CDC20B: variants seen among roughly 807,000 people sequenced by gnomAD.
CDC20B encodes cell division cycle 20B.
In CDC20B, 58 loss-of-function variants were observed where a neutral mutation model predicts 64.1. The observed-to-expected ratio is 0.90, with a 90% CI of 0.73 to 1.13. The LOEUF (loss-of-function observed/expected upper bound fraction) is 1.13, where lower values mean the gene tolerates loss of function less well. Ranked by LOEUF, CDC20B falls within the 50% of genes most tolerant of loss-of-function variation. The pLI, the probability that CDC20B is intolerant of heterozygous loss-of-function variation, is 0.00. For missense variants in CDC20B, 597 were observed against 633.0 expected (o/e 0.94, Z 0.61); for synonymous variants, 243 against 230.6 (o/e 1.05, Z -0.49).
chr5:55,163,183 T>C (rs1404824314), intron 2 of CDC20B, among the ~76,000 whole-genome samples: 3 of 151,848 alleles, frequency 2.0e-5, no homozygotes, highest in Non-Finnish European at 4.4e-5. Flanking sequence ...GTGGTATAAA[T>C]AGAAAAAAAA....
Position 55,140,307 on chromosome 5 carries a change from C to T in CDC20B, c.580+7G>A. 1.3e-6 allele frequency: 2 copies of T among 1,595,242 alleles called. No individual in the cohort carries two copies. Among genetic ancestry groups the T allele is most frequent in the Non-Finnish European group, 1.7e-6 (2 of 1,166,046 alleles). ...CAGGAAAGAAGGACAATGTCTTGAT[C>T]CTGTACCTTTCCAAACACATTCGGA... On this transcript the variant is annotated splice_region_variant and intron_variant, in intron 5 of 11. Transcript: ENST00000381375.
At chr5:55,165,395 A>G (rs1744327454) in intron 2 of CDC20B, 1 of 152,226 alleles carries the variant, frequency 6.6e-6, no homozygotes, top group Non-Finnish European at 1.5e-5. Context: ...AAATAGGAAG[A>G]TGGCCAAAAA....
At chr5:55,123,805 TC>T (rs1170543439) in intron 9 of CDC20B, among the ~76,000 whole-genome samples, 1 of 152,226 alleles carries the variant, frequency 6.6e-6, no homozygotes, top group Non-Finnish European at 1.5e-5. Context: ...CTACTTCAAG[TC>T]ATGAATACTG....
rs767867102 is a variant in CDC20B at position 55,125,001 on chromosome 5, A to T, written c.1017T>A (p.His339Gln). ...GATGCTGGGCTACCCGAACATCGTGATGATAAACACGCCCCAGTCTTGACC... is the reference window on the plus strand; with the variant it reads ...GATGCTGGGCTACCCGAACATCGTGTTGATAAACACGCCCCAGTCTTGACC... ...SSGSRLGRVY[H>Q]HDVRVAQHHV... Residue 339 changes from histidine to glutamine, a missense_variant, in exon 9 of 12, where the codon CAT becomes CAA. Coordinates refer to ENST00000381375, the MANE Select transcript of CDC20B (RefSeq NM_001170402.1). The T allele has an allele frequency of 1.2e-6, 2 of 1,613,800 alleles. No homozygotes were observed. The highest frequency in any genetic ancestry group is 1.7e-6 in the Non-Finnish European group (2 of 1,179,660).
intron 2 of CDC20B, chr5:55,161,148 A>G (rs749304957): frequency 1.2e-6 from 2 of 1,614,228 alleles, no homozygotes; most frequent in South Asian, 1.1e-5. Flanking sequence ...CGCCCAAGCA[A>G]GGAAGTAGAA....
rs766386686 is a variant in CDC20B, at chr5:55,120,491, A to C, written c.1275T>G (p.Asp425Glu). The change falls in exon 10 of 12, where the codon GAT becomes GAG. Residue 425 changes from aspartate (D) to glutamate (E), a missense_variant. Coordinates refer to ENST00000381375, the MANE Select transcript of CDC20B (RefSeq NM_001170402.1). ...TTATATCCAAGATGTGTAAGCGTCC[A>C]TCCTTCATTCCTCCTCCAATGGCAA... ...GVLAIGGGMKDGRLHILDINA... is the reference protein window; with the variant it reads ...GVLAIGGGMKEGRLHILDINA... 8 of 1,613,728 alleles carry C rather than the reference A, an allele frequency of 5.0e-6. No individual in the cohort carries two copies. In the African/African-American group the frequency reaches 9.3e-5, roughly 19 times the overall value.
At chr5:55,153,516 T>C (rs1743729868) in intron 2 of CDC20B, among the ~76,000 whole-genome samples, 1 of 152,130 alleles carries the variant, frequency 6.6e-6, no homozygotes, top group African/African-American at 2.4e-5. Flanking sequence ...GGTTCTCCAA[T>C]AGGAGAAGCA....
chr5:55,167,353 A>G (rs1430908753), intron 2 of CDC20B, among the ~76,000 whole-genome samples: 1 of 152,240 alleles, frequency 6.6e-6, no homozygotes, highest in African/African-American at 2.4e-5. Flanking sequence ...ACACTGTATC[A>G]ATAGTATATA....
In CDC20B at chr5:55,128,465, C is replaced by CT. The variant is rs1297025210; in HGVS notation, c.849dup (p.Glu284ArgfsTer22). 5 of 1,607,722 alleles carry CT rather than the reference C, an allele frequency of 3.1e-6. No homozygotes were observed. The highest frequency in any genetic ancestry group is 3.4e-6 in the Non-Finnish European group (4 of 1,178,456). On this transcript the variant is annotated frameshift_variant, in exon 7 of 12. Transcript: ENST00000381375. LOFTEE classifies it high-confidence loss of function. ...GTGCCAACTGCCAGGCAAGTTCCCT[C>CT]TTTTATCCAGGACACAGAAGAGATA...
chr5:55,158,342 T>C (rs1743872323), intron 2 of CDC20B, among the ~76,000 whole-genome samples: 1 of 152,228 alleles, frequency 6.6e-6, no homozygotes, highest in Admixed American at 6.5e-5. Flanking sequence ...CAAAGTAAAA[T>C]TATCAGGAAG....
chr5:55,148,221 A>C (rs1743553185), intron 2 of CDC20B, among the ~76,000 whole-genome samples: 1 of 152,238 alleles, frequency 6.6e-6, no homozygotes, highest in Admixed American at 6.5e-5. Flanking sequence ...AGAAATGCAA[A>C]TTTAAAACAG....
intron 2 of CDC20B, among the ~76,000 whole-genome samples, chr5:55,154,913 A>C (rs2111912841): frequency 6.6e-6 from 1 of 152,362 alleles, no homozygotes; most frequent in African/African-American, 2.4e-5. Context: ...CAGATATGGC[A>C]AAATCACAGA....
chr5:55,121,020 C>T (rs1449854768), intron 9 of CDC20B, among the ~76,000 whole-genome samples: 1 of 152,272 alleles, frequency 6.6e-6, no homozygotes, highest in East Asian at 1.9e-4. Context: ...TCAACAGTCT[C>T]AAGCACTTCA....
chr5:55,149,669 G>A (rs28816080), intron 2 of CDC20B, among the ~76,000 whole-genome samples: 20,713 of 152,156 alleles, frequency 0.14, 1,506 homozygotes, highest in East Asian at 0.26. Flanking sequence ...ATCCATAGGC[G>A]GAGAACACAG....
At chr5:55,128,727 G>T in intron 6 of CDC20B, 110 bp from the exon 7 acceptor site, 4 of 731,916 alleles carry the variant, frequency 5.5e-6, no homozygotes, top group Non-Finnish European at 8.1e-6. Context: ...CCCATGGTTA[G>T]CTGGAAAATG....
chr5:55,114,291 G>C lies in CDC20B; in HGVS notation c.1487C>G (p.Ser496Cys). ...CACCCGGGTCTGGTCTGGACTCAAA[G>C]ACAGGTGCAGCACTCTGCCCCTGTG... ...FGHRGRVLHLSLSPDQTRVFS... is the reference protein window; with the variant it reads ...FGHRGRVLHLCLSPDQTRVFS... The change falls in exon 12 of 12, where the codon TCT (serine) becomes TGT (cysteine). Residue 496 changes from serine (S) to cysteine (C), a missense_variant. This residue lies in a region of CDC20B where 353 missense variants were observed against 397.0 expected (regional missense o/e 0.89). Transcript: ENST00000381375. This position sits in a 1 kb window ranked among gnomAD's most constrained non-coding sequence, Gnocchi z 4.1. 6.2e-7 allele frequency: 1 copy of C among 1,613,998 alleles called. No homozygotes were observed. The highest frequency in any genetic ancestry group is 8.5e-7 in the Non-Finnish European group (1 of 1,179,900).
chr5:55,165,366 T>C (rs2111592383), intron 2 of CDC20B: 1 of 152,322 alleles, frequency 6.6e-6, no homozygotes, highest in South Asian at 2.1e-4. Context: ...GAAATATACA[T>C]TCATCGCATA....
At chr5:55,171,038 G>A (rs1376414602) in intron 2 of CDC20B, among the ~76,000 whole-genome samples, 2 of 152,208 alleles carry the variant, frequency 1.3e-5, no homozygotes, top group African/African-American at 4.8e-5. Context: ...TGTAGGCTGG[G>A]CGCAGTGGCT....
At chr5:55,134,119 T>C (rs1436658019) in intron 5 of CDC20B, among the ~76,000 whole-genome samples, 1 of 152,180 alleles carries the variant, frequency 6.6e-6, no homozygotes, top group African/African-American at 2.4e-5. Context: ...CAGTATTCTA[T>C]CTTTTGTTCA....
Sources: gnomAD v4.1 joint callset for allele counts (sites outside exome capture counted in the v4.1 genomes callset) on GRCh38, gnomAD v4.1.1 for gene constraint, gnomAD v4.1.1 regional missense constraint, Gnocchi (gnomAD v3.1) non-coding constraint, MANE v1.5 for transcripts, NCBI Gene and HGNC (gene_info 2026-07-23, HGNC 2026-07-21) for gene names.